Variants in EPS15 observed in about 807,000 individuals in gnomAD.
The protein encoded by EPS15 is epidermal growth factor receptor substrate 15.
In EPS15, 72 loss-of-function variants were observed where a neutral mutation model predicts 113.8. That is an observed-to-expected ratio of 0.63 (90% CI 0.52 to 0.77). The LOEUF is 0.77. Among genes scored for constraint, EPS15 ranks in the 30% least tolerant of loss-of-function variants. The pLI is 0.00. For synonymous variants in EPS15, 344 were observed against 363.4 expected (o/e 0.95, Z 0.61); for missense variants, 1,048 against 1,045.8 (o/e 1.00, Z -0.03).
intron 1 of EPS15, among the ~76,000 whole-genome samples, chr1:51,486,953 A>G (rs1205032531): frequency 6.6e-6 from 1 of 152,206 alleles, no homozygotes; most frequent in Non-Finnish European, 1.5e-5. Flanking sequence ...TACAGGCATA[A>G]GCCACTGCGC....
At chr1:51,429,706 A>G (rs1557461119) in intron 12 of EPS15, among the ~76,000 whole-genome samples, 1 of 148,352 alleles carries the variant, frequency 6.7e-6, no homozygotes, top group Non-Finnish European at 1.5e-5. Context: ...GTTGGAGTGC[A>G]GTGGCGCGAT....
chr1:51,372,396 A>T, intron 21 of EPS15: 1 of 536,290 alleles, frequency 1.9e-6, no homozygotes, highest in Admixed American at 1.9e-5. Context: ...GTCATGGCAG[A>T]CAAAAGTACT....
chr1:51,407,768 T>G (rs1186899336), intron 15 of EPS15, among the ~76,000 whole-genome samples: 4 of 152,242 alleles, frequency 2.6e-5, no homozygotes, highest in African/African-American at 9.6e-5. Context: ...CTTACAGGTT[T>G]TGCCTCATTA....
rs569503892 is a variant in EPS15 at position 51,399,812 on chromosome 1, A to G, written c.1919-647T>C. 8.5e-5 allele frequency among the ~76,000 whole-genome samples: 13 copies of G among 152,202 alleles called. No individual in the cohort carries two copies. In the South Asian group the frequency reaches 2.3e-3, roughly 27 times the overall value. ...GGGAGGCGGAGGTTGCAGTGAGTCAAGACCGCACTACTTGTACTCTAGCCT... is the reference window on the plus strand; with the variant it reads ...GGGAGGCGGAGGTTGCAGTGAGTCAGGACCGCACTACTTGTACTCTAGCCT... On this transcript the variant is annotated intron_variant, in intron 19 of 24. Coordinates refer to ENST00000371733, the MANE Select transcript of EPS15 (RefSeq NM_001981.3).
chr1:51,417,214 A>G (rs1650309012), intron 13 of EPS15, among the ~76,000 whole-genome samples: 1 of 152,186 alleles, frequency 6.6e-6, no homozygotes, highest in African/African-American at 2.4e-5. Flanking sequence ...AAAATAAAAA[A>G]CATGGACAAG....
chr1:51,519,151 G>T, intron 1 of EPS15, 48 bp downstream of exon 1: 1 of 1,358,450 alleles, frequency 7.4e-7, no homozygotes. Context: ...GGCGGTGGGG[G>T]AGGGGGCACC....
At chr1:51,410,286 G>C (rs983529547) in intron 13 of EPS15, among the ~76,000 whole-genome samples, 2 of 151,904 alleles carry the variant, frequency 1.3e-5, no homozygotes, top group Admixed American at 6.6e-5. Context: ...AGTTACTTGG[G>C]AGGCTGAGAT....
intron 21 of EPS15, among the ~76,000 whole-genome samples, chr1:51,380,339 A>G (rs374321997): frequency 6.6e-6 from 1 of 152,362 alleles, no homozygotes; most frequent in African/African-American, 2.4e-5. Flanking sequence ...AAATATCAAC[A>G]TATGGACAAA....
At chr1:51,478,841 G>A (rs540365313) in intron 2 of EPS15, among the ~76,000 whole-genome samples, 1 of 152,184 alleles carries the variant, frequency 6.6e-6, no homozygotes, top group Non-Finnish European at 1.5e-5. Flanking sequence ...AGTCTGATGG[G>A]CTTCCCTTTG....
chr1:51,419,964 T>G (rs1277953111), intron 13 of EPS15, among the ~76,000 whole-genome samples: 1 of 152,146 alleles, frequency 6.6e-6, no homozygotes, highest in South Asian at 2.1e-4. Context: ...ATAACTGTAG[T>G]GTATAATGAA....
chr1:51,381,417 A>AC (rs1246326589), intron 21 of EPS15, among the ~76,000 whole-genome samples: 1 of 151,960 alleles, frequency 6.6e-6, no homozygotes, highest in African/African-American at 2.4e-5. Flanking sequence ...ACATGGTGAA[A>AC]CCCCGTCTCT....
intron 1 of EPS15, among the ~76,000 whole-genome samples, chr1:51,507,916 G>T (rs1487132255): frequency 6.6e-6 from 1 of 151,718 alleles, no homozygotes; most frequent in African/African-American, 2.4e-5. Context: ...GGTGGCTCAC[G>T]CCTGTATTTC....
At chr1:51,401,182 A>G (rs546296677) in intron 18 of EPS15, 1 of 381,228 alleles carries the variant, frequency 2.6e-6, no homozygotes, top group Middle Eastern at 6.9e-4. Context: ...TACAGCAAAA[A>G]TTTTACTAAC....
intron 22 of EPS15, among the ~76,000 whole-genome samples, chr1:51,364,989 C>T (rs943812621): frequency 3.3e-5 from 5 of 151,620 alleles, no homozygotes; most frequent in African/African-American, 1.2e-4. Flanking sequence ...GCCGGCATGC[C>T]TGACCAATTT....
At chr1:51,488,831 T>C (rs1359318589) in intron 1 of EPS15, among the ~76,000 whole-genome samples, 1 of 152,214 alleles carries the variant, frequency 6.6e-6, no homozygotes, top group Non-Finnish European at 1.5e-5. Context: ...ATTTCAGTTA[T>C]TCATCAATGG....
intron 21 of EPS15, among the ~76,000 whole-genome samples, chr1:51,387,431 C>T (rs1416708920): frequency 1.3e-5 from 2 of 151,722 alleles, no homozygotes; most frequent in African/African-American, 4.8e-5. Context: ...AAATCACCAG[C>T]TAACATCATA....
chr1:51,481,431 T>C (rs1644018686), intron 1 of EPS15, 117 bp from the exon 2 acceptor site: 1 of 634,304 alleles, frequency 1.6e-6, no homozygotes, highest in African/African-American at 1.9e-5. Context: ...ATATCCTTGA[T>C]TTCAGGGGTT....
At chr1:51,515,285 A>G (rs1008794217) in intron 1 of EPS15, among the ~76,000 whole-genome samples, 5 of 151,718 alleles carry the variant, frequency 3.3e-5, no homozygotes, top group Admixed American at 3.3e-4. Flanking sequence ...CTGACAACAT[A>G]GTGAGTGAGT....
At chr1:51,366,058 C>G in intron 21 of EPS15, 29 bp from the exon 22 acceptor site, 1 of 1,531,530 alleles carries the variant, frequency 6.5e-7, no homozygotes. Context: ...ATAAATGAAA[C>G]AGGACAGTAA....
Sources: gnomAD v4.1 joint callset for allele counts (sites outside exome capture counted in the v4.1 genomes callset) on GRCh38, gnomAD v4.1.1 for gene constraint, MANE v1.5 for transcripts, NCBI Gene and HGNC (gene_info 2026-07-23, HGNC 2026-07-21) for gene names.